Variants in CSMD3 observed in about 807,000 individuals in gnomAD.
CSMD3 encodes the protein CUB and Sushi multiple domains 3.
Under a neutral mutation model 435.2 loss-of-function variants are expected in CSMD3, and 177 were observed. The ratio of observed to expected loss-of-function variants is 0.41; its 90% confidence interval spans 0.36 to 0.46. The LOEUF is 0.46. Ranked by LOEUF, CSMD3 falls within the 20% of genes least tolerant of loss-of-function variation. The probability of loss-of-function intolerance (pLI) is 0.34; values close to 1 mark genes in which losing one functional copy is unlikely to be tolerated. For synonymous variants in CSMD3, 1,656 were observed against 1,520.5 expected, an observed-to-expected ratio of 1.09 and a Z score of -2.07; for missense variants, 4,265 against 4,504.6, an observed-to-expected ratio of 0.95 and a Z score of 1.52.
chr8:113,234,487 T>A (rs537139141), intron 3 of CSMD3, among the ~76,000 whole-genome samples: 1 of 152,114 alleles, frequency 6.6e-6, no homozygotes, highest in African/African-American at 2.4e-5. Context: ...AGTTTCTGCA[T>A]TGACATTTCT....
At chr8:112,304,046 A>G (rs1821176798) in intron 52 of CSMD3, among the ~76,000 whole-genome samples, 1 of 152,180 alleles carries the variant, frequency 6.6e-6, no homozygotes, top group Non-Finnish European at 1.5e-5. Context: ...GCTTATGTAT[A>G]TTAGATACTG....
intron 16 of CSMD3, among the ~76,000 whole-genome samples, chr8:112,670,988 A>G (rs1411253538): frequency 6.6e-6 from 1 of 152,216 alleles, no homozygotes; most frequent in African/African-American, 2.4e-5. Flanking sequence ...TCCAATAGCC[A>G]GTATATCACT....
intron 3 of CSMD3, among the ~76,000 whole-genome samples, chr8:113,231,997 T>G (rs1425682720): frequency 6.6e-6 from 1 of 151,540 alleles, no homozygotes; most frequent in African/African-American, 2.4e-5. Flanking sequence ...TTATAAGACT[T>G]TTTTTCATCA....
chr8:112,580,761 A>T (rs530974804), intron 23 of CSMD3, among the ~76,000 whole-genome samples: 1 of 152,212 alleles, frequency 6.6e-6, no homozygotes, highest in East Asian at 1.9e-4. Context: ...ACTTCAGACC[A>T]AGTAGCAAAT....
chr8:112,719,764 CAA>C (rs2076816537), intron 13 of CSMD3, among the ~76,000 whole-genome samples: 1 of 152,016 alleles, frequency 6.6e-6, no homozygotes, highest in Non-Finnish European at 1.5e-5. Context: ...AAGCTATTGG[CAA>C]AGAGTCTTAT....
At chr8:113,408,968 C>A (rs545987963) in intron 1 of CSMD3, among the ~76,000 whole-genome samples, 1 of 152,040 alleles carries the variant, frequency 6.6e-6, no homozygotes, top group South Asian at 2.1e-4. Context: ...AATGCCCAGC[C>A]TATACAGAAA....
At chr8:112,347,473 T>C (rs775636847) in intron 40 of CSMD3, among the ~76,000 whole-genome samples, 2 of 152,170 alleles carry the variant, frequency 1.3e-5, no homozygotes, top group African/African-American at 2.4e-5. Context: ...GCAAATTCAG[T>C]AGGAATTTTA....
At chr8:113,381,828 A>G (rs1212847727) in intron 1 of CSMD3, among the ~76,000 whole-genome samples, 1 of 152,204 alleles carries the variant, frequency 6.6e-6, no homozygotes, top group African/African-American at 2.4e-5. Flanking sequence ...CCATACAGAG[A>G]TAACCTATGC....
At chr8:113,020,153 G>A (rs1441870731) in intron 5 of CSMD3, among the ~76,000 whole-genome samples, 1 of 118,222 alleles carries the variant, frequency 8.5e-6, no homozygotes, top group African/African-American at 3.4e-5. Flanking sequence ...CTGGGCGACA[G>A]AGCGAGACTC....
intron 6 of CSMD3, among the ~76,000 whole-genome samples, chr8:113,007,471 T>C (rs1192043299): frequency 2.6e-5 from 4 of 151,886 alleles, no homozygotes; most frequent in Admixed American, 6.6e-5. Context: ...AGAAAGACCA[T>C]GTGAAGACAC....
At chr8:112,828,370 C>T (rs1413808139) in intron 12 of CSMD3, among the ~76,000 whole-genome samples, 1 of 152,142 alleles carries the variant, frequency 6.6e-6, no homozygotes, top group African/African-American at 2.4e-5. Flanking sequence ...GAATGCATCA[C>T]AGGGGTGGAT....
intron 22 of CSMD3, among the ~76,000 whole-genome samples, chr8:112,626,285 C>T (rs1350797245): frequency 2.6e-5 from 4 of 152,018 alleles, no homozygotes; most frequent in Non-Finnish European, 4.4e-5. Flanking sequence ...CCAGTTGGTC[C>T]CTCAGTATAA....
chr8:112,477,608 C>T (rs766556401), intron 31 of CSMD3, among the ~76,000 whole-genome samples: 17 of 152,018 alleles, frequency 1.1e-4, no homozygotes, highest in Non-Finnish European at 1.9e-4. Flanking sequence ...ATGGCACCTC[C>T]CCATTCTCTC....
intron 9 of CSMD3, among the ~76,000 whole-genome samples, chr8:112,924,833 C>T (rs72682131): frequency 0.043 from 6,461 of 151,984 alleles, 194 homozygotes; most frequent in Non-Finnish European, 0.062. Flanking sequence ...CTAACTTTGC[C>T]CTAAACTTCA....
At chr8:112,958,788 T>C (rs1469467652) in intron 7 of CSMD3, among the ~76,000 whole-genome samples, 2 of 152,224 alleles carry the variant, frequency 1.3e-5, no homozygotes, top group Non-Finnish European at 2.9e-5. Context: ...TTATGTTTTA[T>C]GTTACAAAAA....
intron 24 of CSMD3, among the ~76,000 whole-genome samples, chr8:112,562,116 C>T (rs1345036112): frequency 6.6e-6 from 1 of 151,586 alleles, no homozygotes; most frequent in Non-Finnish European, 1.5e-5. Context: ...CAAGATTCAA[C>T]CAAAATCTCC....
intron 40 of CSMD3, among the ~76,000 whole-genome samples, chr8:112,349,845 A>C (rs927370561): frequency 2.0e-5 from 3 of 152,152 alleles, no homozygotes; most frequent in Non-Finnish European, 4.4e-5. Flanking sequence ...AATTGTGTGC[A>C]TTTTACGCAG....
chr8:113,428,260 C>CTATCTATCTATT (rs1323086138), intron 1 of CSMD3, among the ~76,000 whole-genome samples: 3 of 148,896 alleles, frequency 2.0e-5, no homozygotes, highest in Non-Finnish European at 3.0e-5. Flanking sequence ...ATCTATCTAT[C>CTATCTATCTATT]TTTCTGTCTA....
intron 4 of CSMD3, among the ~76,000 whole-genome samples, chr8:113,151,182 C>T (rs2091796809): frequency 6.6e-6 from 1 of 151,930 alleles, no homozygotes; most frequent in Admixed American, 6.6e-5. Flanking sequence ...CTGTGATTCA[C>T]TAACACAATA....
Sources: allele counts gnomAD v4.1 joint callset (sites outside exome capture counted in the v4.1 genomes callset), GRCh38; gene constraint gnomAD v4.1.1; transcripts MANE v1.5; gene names NCBI Gene and HGNC (gene_info 2026-07-23, HGNC 2026-07-21).